Variants in PCCA observed in about 807,000 individuals in gnomAD.
PCCA encodes the protein propionyl-CoA carboxylase alpha chain, mitochondrial.
PCCA carries 74 observed loss-of-function variants against 101.3 expected under a neutral mutation model. That is an observed-to-expected ratio of 0.73 (90% CI 0.61 to 0.89). The LOEUF is 0.89. PCCA is among the 40% of genes least tolerant of loss of function. The pLI is 0.00. For missense variants in PCCA, 891 were observed against 907.0 expected (o/e 0.98, Z 0.23); for synonymous variants, 294 against 313.6 (o/e 0.94, Z 0.66).
At chr13:100,318,467 G>A (rs1419696536) in intron 16 of PCCA, among the ~76,000 whole-genome samples, 1 of 150,190 alleles carries the variant, frequency 6.7e-6, no homozygotes, top group East Asian at 2.0e-4. Flanking sequence ...ATCTCCTAAT[G>A]CTATCCCTCC....
At chr13:100,311,724 C>G (rs530922962) in intron 16 of PCCA, among the ~76,000 whole-genome samples, 2 of 152,066 alleles carry the variant, frequency 1.3e-5, no homozygotes, top group African/African-American at 4.8e-5. Context: ...GAGATGAGAT[C>G]GCGCCATCAC....
At chr13:100,333,359 C>G (rs1423712104) in intron 17 of PCCA, among the ~76,000 whole-genome samples, 1 of 152,212 alleles carries the variant, frequency 6.6e-6, no homozygotes, top group East Asian at 1.9e-4. Flanking sequence ...CATCTGCTTC[C>G]CATCTGTTCA....
rs558055230 is a variant in PCCA, at chr13:100,520,527, C to T, written c.2040+4960C>T. On this transcript the variant is annotated intron_variant, in intron 22 of 23. Transcript: ENST00000376285. ...GCGGGCGCCTGTAGTCCCAGCTACT[C>T]GGGAGGCTGAGGCAGGAGAATGGCG... Among the ~76,000 whole-genome samples, 797 of 144,628 alleles carry T rather than the reference C, an allele frequency of 5.5e-3. 5 individuals carry two copies. Among genetic ancestry groups the T allele is most frequent in the African/African-American group, 0.016 (616 of 39,028 alleles). 94.9% of individuals were successfully genotyped at this position (144,628 alleles called of 152,430 possible).
At chr13:100,224,677 T>C (rs930302909) in intron 7 of PCCA, among the ~76,000 whole-genome samples, 1 of 152,262 alleles carries the variant, frequency 6.6e-6, no homozygotes, top group Non-Finnish European at 1.5e-5. Flanking sequence ...CAGGGGCCTA[T>C]GCATATAGGA....
At chr13:100,348,890 TTTCCTTCC>T (rs72229087) in intron 18 of PCCA, among the ~76,000 whole-genome samples, 1 of 125,626 alleles carries the variant, frequency 8.0e-6, no homozygotes, top group Admixed American at 8.8e-5. Context: ...CTTTTCTTTC[TTTCCTTCC>T]TTCCTTCCTT....
chr13:100,410,564 C>T (rs2077983341), intron 19 of PCCA, among the ~76,000 whole-genome samples: 1 of 152,190 alleles, frequency 6.6e-6, no homozygotes, highest in Non-Finnish European at 1.5e-5. Context: ...GTAAAGTCTA[C>T]ACACAGTGGA....
At position 100,192,980 on chromosome 13, in the gene PCCA, A is replaced by G. The variant is rs906425795; in HGVS notation, c.469-16352A>G. On this transcript the variant is annotated intron_variant, in intron 6 of 23. Coordinates refer to ENST00000376285, the MANE Select transcript of PCCA (RefSeq NM_000282.4). ...CTATAAACTCTTGAGTGTGAAAACC[A>G]TGTCTACTTAACCAGCCTGCTTCCG... 2.0e-5 allele frequency among the ~76,000 whole-genome samples: 3 copies of G among 152,184 alleles called. 1 individual carries two copies. Among genetic ancestry groups the G allele is most frequent in the Non-Finnish European group, 4.4e-5 (3 of 68,024 alleles).
At chr13:100,514,932 A>G (rs2086721728) in intron 21 of PCCA, among the ~76,000 whole-genome samples, 1 of 152,238 alleles carries the variant, frequency 6.6e-6, no homozygotes. Flanking sequence ...CCCAAAATGA[A>G]CACTGAACCC....
At chr13:100,488,628 G>GTT (rs1236978118) in intron 21 of PCCA, among the ~76,000 whole-genome samples, 7 of 66,998 alleles carry the variant, frequency 1.0e-4, no homozygotes, top group African/African-American at 4.4e-4. Flanking sequence ...TTGTTTTTTT[G>GTT]TTTTGTTTTT....
At chr13:100,108,572 C>T (rs1328880629) in intron 2 of PCCA, among the ~76,000 whole-genome samples, 4 of 152,154 alleles carry the variant, frequency 2.6e-5, no homozygotes, top group East Asian at 1.9e-4. Context: ...TCCAGTGTCA[C>T]GGCCTTTACA....
intron 6 of PCCA, among the ~76,000 whole-genome samples, chr13:100,177,854 A>C (rs2056387653): frequency 6.6e-6 from 1 of 152,206 alleles, no homozygotes. Flanking sequence ...AGAACATGGC[A>C]CTAAGTAGAC....
intron 19 of PCCA, among the ~76,000 whole-genome samples, chr13:100,398,798 A>G (rs539145548): frequency 6.6e-6 from 1 of 152,252 alleles, no homozygotes; most frequent in African/African-American, 2.4e-5. Context: ...TTAGTAATGC[A>G]CTTTGTCTTT....
At chr13:100,377,433 G>T (rs1183116767) in intron 19 of PCCA, among the ~76,000 whole-genome samples, 2 of 152,034 alleles carry the variant, frequency 1.3e-5, no homozygotes, top group Non-Finnish European at 2.9e-5. Context: ...TGTGTTTCTT[G>T]CAGGCAGCAT....
chr13:100,335,198 A>G (rs1346966600), intron 17 of PCCA, among the ~76,000 whole-genome samples: 2 of 152,192 alleles, frequency 1.3e-5, no homozygotes, highest in African/African-American at 4.8e-5. Flanking sequence ...CTATTTTACC[A>G]TATATACTCC....
At chr13:100,465,705 A>G (rs2082464306) in intron 21 of PCCA, among the ~76,000 whole-genome samples, 2 of 152,228 alleles carry the variant, frequency 1.3e-5, no homozygotes, top group Non-Finnish European at 2.9e-5. Flanking sequence ...ATGTCAGAAC[A>G]TGTCTCCAGA....
intron 1 of PCCA, among the ~76,000 whole-genome samples, chr13:100,089,483 C>G (rs1046593022): frequency 6.6e-6 from 1 of 152,258 alleles, no homozygotes. Flanking sequence ...TGGGTGCCCG[C>G]ACGCCCTCCG....
chr13:100,314,787 C>G (rs189483136), intron 16 of PCCA, among the ~76,000 whole-genome samples: 1 of 152,088 alleles, frequency 6.6e-6, no homozygotes, highest in East Asian at 1.9e-4. Flanking sequence ...TTATGTAGAT[C>G]AAAGGAAACT....
chr13:100,439,709 C>A (rs2080201993), intron 20 of PCCA, among the ~76,000 whole-genome samples: 1 of 151,770 alleles, frequency 6.6e-6, no homozygotes, highest in African/African-American at 2.4e-5. Context: ...TGAACATTTG[C>A]AAGCAGAGCC....
At chr13:100,298,692 T>G (rs59616320) in intron 12 of PCCA, among the ~76,000 whole-genome samples, 3,628 of 34,962 alleles carry the variant, frequency 0.1, 1,012 homozygotes, top group Non-Finnish European at 0.16. Flanking sequence ...CCTTCCTTCC[T>G]TCCTTCCTTC....
Sources: gnomAD v4.1 joint callset for allele counts (sites outside exome capture counted in the v4.1 genomes callset) on GRCh38, gnomAD v4.1.1 for gene constraint, MANE v1.5 for transcripts, NCBI Gene and HGNC (gene_info 2026-07-23, HGNC 2026-07-21) for gene names.